The following AREL1 variants were observed in gnomAD, a reference collection of about 807,000 sequenced individuals.
AREL1 encodes the protein apoptosis resistant E3 ubiquitin protein ligase 1, also known as apoptosis-resistant E3 ubiquitin protein ligase 1.
In AREL1, 62 loss-of-function variants were observed where a neutral mutation model predicts 99.0. That is an observed-to-expected ratio of 0.63 (90% CI 0.51 to 0.77). The LOEUF is 0.77. Among genes scored for constraint, AREL1 ranks in the 30% least tolerant of loss-of-function variants. The pLI, the probability that AREL1 is intolerant of heterozygous loss-of-function variation, is 0.00. For synonymous variants in AREL1, 380 were observed against 376.5 expected, an observed-to-expected ratio of 1.01 and a Z score of -0.11; for missense variants, 879 against 1,027.6, an observed-to-expected ratio of 0.86 and a Z score of 1.98.
intron 15 of AREL1, among the ~76,000 whole-genome samples, chr14:74,668,018 T>C (rs897997602): frequency 1.3e-5 from 2 of 152,330 alleles, no homozygotes; most frequent in East Asian, 1.9e-4. Flanking sequence ...ATGGGAACAA[T>C]TGTTCCCACA....
intron 1 of AREL1, among the ~76,000 whole-genome samples, chr14:74,707,666 C>T (rs1486556177): frequency 2.0e-5 from 3 of 151,860 alleles, no homozygotes; most frequent in East Asian, 1.9e-4. Context: ...TGGTGGTGGG[C>T]GCCTGTAGTC....
rs775909255 is a variant in AREL1 at position 74,702,379 on chromosome 14, C to T, written c.-333-10051G>A. Among the ~76,000 whole-genome samples the T allele has an allele frequency of 9.9e-5, 15 of 152,248 alleles. No homozygotes were observed. In the East Asian group the frequency reaches 1.9e-3, roughly 20 times the overall value. ...CTGTGCACCCACAGGCTCAACATCACGTGTAAGCTGCCAAGGCTTGGGGCT... is the reference window on the plus strand; with the variant it reads ...CTGTGCACCCACAGGCTCAACATCATGTGTAAGCTGCCAAGGCTTGGGGCT... On this transcript the variant is annotated intron_variant, in intron 1 of 19. Coordinates refer to ENST00000356357, the MANE Select transcript of AREL1 (RefSeq NM_001039479.2).
At chr14:74,699,623 A>G (rs2090046241) in intron 1 of AREL1, among the ~76,000 whole-genome samples, 1 of 152,114 alleles carries the variant, frequency 6.6e-6, no homozygotes, top group African/African-American at 2.4e-5. Context: ...TCTGGTCTTT[A>G]TTTAAAATAG....
At chr14:74,666,663 A>C (rs1006073061) in intron 17 of AREL1, among the ~76,000 whole-genome samples, 3 of 150,450 alleles carry the variant, frequency 2.0e-5, no homozygotes, top group African/African-American at 5.0e-5. Context: ...ACTCCCTTAA[A>C]TGTCATAGGA....
intron 1 of AREL1, among the ~76,000 whole-genome samples, chr14:74,711,215 G>C (rs1322114334): frequency 8.5e-6 from 1 of 117,792 alleles, no homozygotes; most frequent in Non-Finnish European, 1.7e-5. Context: ...TGGGTAACAA[G>C]AGCGAAACTA....
At chr14:74,708,996 A>G (rs1256485210) in intron 1 of AREL1, among the ~76,000 whole-genome samples, 2 of 152,256 alleles carry the variant, frequency 1.3e-5, no homozygotes, top group Non-Finnish European at 2.9e-5. Flanking sequence ...ACAAACTGCA[A>G]TAAGGTTAAA....
chr14:74,664,450 T>C (rs1195945261), intron 18 of AREL1, among the ~76,000 whole-genome samples: 4 of 22,064 alleles, frequency 1.8e-4, no homozygotes, highest in Admixed American at 5.6e-4. Flanking sequence ...TTTCCTTTCT[T>C]TTTTTTTTTT....
chr14:74,683,214 A>T, intron 5 of AREL1, 82 bp downstream of exon 5: 1 of 955,776 alleles, frequency 1.0e-6, no homozygotes, highest in Non-Finnish European at 1.6e-6. Context: ...CAATAAAGGT[A>T]TTATTTTTAA....
chr14:74,708,672 A>C (rs1380084571), intron 1 of AREL1, among the ~76,000 whole-genome samples: 1 of 152,266 alleles, frequency 6.6e-6, no homozygotes, highest in Admixed American at 6.5e-5. Context: ...GATGTTAACT[A>C]TTGGCATCTC....
Position 74,663,657 on chromosome 14 carries a change from G to A in AREL1, c.*63C>T, listed in dbSNP as rs946513097. On this transcript the variant is annotated 3_prime_UTR_variant, in exon 20 of 20. Transcript: ENST00000356357. ...GTGTGTTAGGATCAGTGGTTATGAT[G>A]TCTGTAACTTGCGCCCAGAAGCTCC... is the stretch of plus-strand genomic sequence containing the variant. 2.7e-6 allele frequency: 4 copies of A among 1,459,750 alleles called. No individual in the cohort carries two copies. Among genetic ancestry groups the A allele is most frequent in the Non-Finnish European group, 3.8e-6 (4 of 1,041,488 alleles). The allele number at this position is 1,459,750 out of a possible 1,614,324, so 90.4% of individuals were successfully genotyped here. A position where few individuals can be genotyped will look rare whatever the true frequency, so the allele number is the denominator to read the frequency against.
chr14:74,681,326 G>C (rs983290793), intron 5 of AREL1, among the ~76,000 whole-genome samples: 1 of 152,180 alleles, frequency 6.6e-6, no homozygotes, highest in South Asian at 2.1e-4. Context: ...GATACACTCA[G>C]TAACCTGGAT....
intron 1 of AREL1, among the ~76,000 whole-genome samples, chr14:74,709,837 G>A (rs914817871): frequency 2.6e-5 from 4 of 152,148 alleles, no homozygotes; most frequent in Admixed American, 6.5e-5. Context: ...TGTTCTTTAA[G>A]GAGTCTTTCA....
intron 1 of AREL1, among the ~76,000 whole-genome samples, chr14:74,710,539 T>C (rs141384418): frequency 2.0e-5 from 3 of 152,306 alleles, no homozygotes; most frequent in East Asian, 1.9e-4. Context: ...ACTGACCATG[T>C]TATTTTAGCT....
intron 18 of AREL1, 140 bp downstream of exon 18, chr14:74,664,696 T>C: frequency 1.8e-6 from 1 of 546,516 alleles, no homozygotes; most frequent in Non-Finnish European, 3.2e-6. Flanking sequence ...CCTGACTTTG[T>C]GATCCGCCTG....
rs569604261 is a variant in AREL1, at chr14:74,663,958, A to G, written c.2310T>C (p.Cys770=). 1 of 1,614,120 alleles carries G rather than the reference A, an allele frequency of 6.2e-7. No homozygotes were observed. Among genetic ancestry groups the G allele is most frequent in the Admixed American group, 1.7e-5 (1 of 60,022 alleles). The change falls in exon 19 of 20, where the codon TGT becomes TGC. Residue 770 remains cysteine, a synonymous_variant. Transcript: ENST00000356357. The part of the protein sequence containing the change: ...QLPPGGFAAL[C]PSFQIIAAPT... ...GAGCGGCAATAATCTGAAATGAGGGACAGAGGGCGGCAAAGCCTCCAGGTG... is the reference window on the plus strand; with the variant it reads ...GAGCGGCAATAATCTGAAATGAGGGGCAGAGGGCGGCAAAGCCTCCAGGTG...
chr14:74,704,647 A>G (rs895496215), intron 1 of AREL1, among the ~76,000 whole-genome samples: 6 of 151,982 alleles, frequency 3.9e-5, no homozygotes, highest in Non-Finnish European at 8.8e-5. Flanking sequence ...TTTTCCTTTC[A>G]CATAAATATA....
Position 74,670,811 on chromosome 14 carries a change from T to C in AREL1, c.1559A>G (p.Asp520Gly), listed in dbSNP as rs749909711. ...CCGGGTGAAGAGCTGATTGGTGGTA[T>C]CAAATAGTGCTTTGCAGATTAGCTC... Reference protein sequence around the residue: ...WFELICKALFDTTNQLFTRFS... With the variant: ...WFELICKALFGTTNQLFTRFS... The change falls in exon 13 of 20, where the codon GAT (aspartate) becomes GGT (glycine). Residue 520 changes from aspartate (D) to glycine (G), a missense_variant. Asp to Gly is a moderately conservative substitution (Grantham distance 94). Coordinates refer to ENST00000356357, the MANE Select transcript of AREL1 (RefSeq NM_001039479.2). 2 of 1,614,144 alleles carry C rather than the reference T, an allele frequency of 1.2e-6. No individual in the cohort carries two copies. Among genetic ancestry groups the C allele is most frequent in the East Asian group, 2.2e-5 (1 of 44,888 alleles).
At chr14:74,676,342 A>G in intron 6 of AREL1, 21 bp from the exon 7 acceptor site, 1 of 1,610,702 alleles carries the variant, frequency 6.2e-7, no homozygotes, top group Non-Finnish European at 8.5e-7. Flanking sequence ...GCAACAGAGC[A>G]TCACTTAACA....
intron 1 of AREL1, among the ~76,000 whole-genome samples, chr14:74,701,975 C>T (rs767544212): frequency 1.1e-4 from 16 of 152,220 alleles, no homozygotes; most frequent in African/African-American, 2.4e-4. Context: ...ATCCAGGTCA[C>T]GCTGACACAA....
Sources: gnomAD v4.1 joint callset for allele counts (sites outside exome capture counted in the v4.1 genomes callset) on GRCh38, gnomAD v4.1.1 for gene constraint, MANE v1.5 for transcripts, NCBI Gene and HGNC (gene_info 2026-07-23, HGNC 2026-07-21) for gene names.